ZNF81: variants seen among roughly 807,000 people sequenced by gnomAD.
ZNF81 encodes zinc finger protein 81 (HFZ20).
Under a neutral mutation model 32.3 loss-of-function variants are expected in ZNF81, and 5 were observed. The observed-to-expected ratio is 0.15, with a 90% CI of 0.08 to 0.33. ZNF81 has a LOEUF of 0.33. Ranked by LOEUF, ZNF81 falls within the 10% of genes least tolerant of loss-of-function variation. The pLI, the probability that ZNF81 is intolerant of heterozygous loss-of-function variation, is 1.00. For missense variants in ZNF81, 379 were observed against 479.8 expected, an observed-to-expected ratio of 0.79 and a Z score of 1.96; for synonymous variants, 163 against 166.8, an observed-to-expected ratio of 0.98 and a Z score of 0.17.
At chrX:47,859,778 G>A (rs2058532234) in intron 2 of ZNF81, among the ~76,000 whole-genome samples, 1 of 111,559 alleles carries the variant, frequency 9.0e-6, no homozygotes, top group Non-Finnish European at 1.9e-5. Context: ...CTTAACATTT[G>A]TGCCAGCTCC....
At position 47,888,010 on chromosome X, in the gene ZNF81, A is replaced by G; in HGVS notation, c.66A>G (p.Ser22=). 1.7e-6 allele frequency: 2 copies of G among 1,211,339 alleles called. No homozygotes were observed. Among genetic ancestry groups the G allele is most frequent in the South Asian group, 3.5e-5 (2 of 56,961 alleles). Residue 22 remains serine (S), a synonymous_variant, in exon 3 of 5, where the codon TCA becomes TCG. Coordinates refer to ENST00000338637, the MANE Select transcript of ZNF81 (RefSeq NM_007137.5). ...EHGSACEVSV[S]FEDVTVDFSR... ...TTGTGTTGTTACAGGTATCAGTGTC[A>G]TTTGAGGATGTGACTGTGGACTTCA...
At chrX:47,872,122 C>A (rs139402877) in intron 2 of ZNF81, among the ~76,000 whole-genome samples, 309 of 111,916 alleles carry the variant, frequency 2.8e-3, no homozygotes, top group South Asian at 0.019. Flanking sequence ...GCTGGAATCC[C>A]CTGCTCTATA....
chrX:47,891,067 T>G (rs2058660751), intron 3 of ZNF81, among the ~76,000 whole-genome samples: 1 of 112,459 alleles, frequency 8.9e-6, no homozygotes, highest in South Asian at 3.7e-4. Flanking sequence ...GTGATCAAGA[T>G]GCCTGCAGAC....
intron 1 of ZNF81, chrX:47,841,612 C>G (rs2058449756): frequency 9.1e-7 from 1 of 1,104,954 alleles, no homozygotes; most frequent in African/African-American, 1.8e-5. Context: ...CCTGCTTTGC[C>G]TGGGTGGCTT....
chrX:47,856,602 A>G (rs1232513295), intron 2 of ZNF81, among the ~76,000 whole-genome samples: 1 of 111,994 alleles, frequency 8.9e-6, no homozygotes, highest in Admixed American at 9.5e-5. Flanking sequence ...AACAACTGAA[A>G]AATTCCCAAA....
chrX:47,915,334 A>T lies in ZNF81; in HGVS notation c.688A>T (p.Asn230Tyr). Residue 230 changes from asparagine (N) to tyrosine (Y), a missense_variant, in exon 5 of 5, where the codon AAC (asparagine) becomes TAC (tyrosine). Transcript: ENST00000338637. ...TGGGCATGGTCAAGTTTTTACCCAG[A>T]ACTCTTCTTATAGTCACCACGAAAA... ...TIGHGQVFTQNSSYSHHENTH... is the reference protein window; with the variant it reads ...TIGHGQVFTQYSSYSHHENTH... 1 of 1,211,806 alleles carries T rather than the reference A, an allele frequency of 8.3e-7. No homozygotes were observed. The highest frequency in any genetic ancestry group is 1.1e-6 in the Non-Finnish European group (1 of 895,496).
At position 47,904,675 on chromosome X, in the gene ZNF81, A is replaced by G. The variant is rs782140944; in HGVS notation, c.277+8735A>G. 4.1e-3 allele frequency among the ~76,000 whole-genome samples: 458 copies of G among 111,756 alleles called. 3 individuals carry two copies. The highest frequency in any genetic ancestry group is 0.014 in the African/African-American group (439 of 30,653). On this transcript the variant is annotated intron_variant, in intron 4 of 4. Coordinates refer to ENST00000338637, the MANE Select transcript of ZNF81 (RefSeq NM_007137.5). ...TGCGGTGATTCCTCAGGGATCTAGA[A>G]CTAGAAATACCATTTGACCCAGCCA...
chrX:47,883,792 G>A (rs144081016), intron 2 of ZNF81, among the ~76,000 whole-genome samples: 1,464 of 111,843 alleles, frequency 0.013, 25 homozygotes, highest in African/African-American at 0.046. Flanking sequence ...TTGATACACT[G>A]TAGTAAGCAG....
At chrX:47,847,983 C>T (rs1228118832) in intron 2 of ZNF81, among the ~76,000 whole-genome samples, 3 of 108,473 alleles carry the variant, frequency 2.8e-5, no homozygotes, top group East Asian at 2.9e-4. Flanking sequence ...AGCACAATCT[C>T]GGCTCACTGC....
intron 4 of ZNF81, among the ~76,000 whole-genome samples, chrX:47,899,301 T>TA (rs55651208): frequency 3.6e-5 from 4 of 109,872 alleles, no homozygotes; most frequent in South Asian, 7.6e-4. Context: ...TTTTTTTTTT[T>TA]AAATCATGAT....
chrX:47,856,185 G>GA (rs2058516607), intron 2 of ZNF81, among the ~76,000 whole-genome samples: 1 of 110,127 alleles, frequency 9.1e-6, no homozygotes, highest in Admixed American at 9.7e-5. Flanking sequence ...TTTCTAAATG[G>GA]AAAAAATGCA....
chrX:47,868,749 C>T, intron 2 of ZNF81, among the ~76,000 whole-genome samples: 1 of 110,612 alleles, frequency 9.0e-6, no homozygotes, highest in Non-Finnish European at 1.9e-5. Flanking sequence ...TAATAAGTCT[C>T]CTTTTGCCCT....
rs188840756 is a variant in ZNF81 at position 47,923,435 on chromosome X, G to A, written c.*6803G>A. 3.6e-5 allele frequency among the ~76,000 whole-genome samples: 4 copies of A among 111,793 alleles called. No homozygotes were observed. Among genetic ancestry groups the A allele is most frequent in the Non-Finnish European group, 7.5e-5 (4 of 53,108 alleles). The stretch of plus-strand genomic sequence containing the variant: ...GATAATGAGAAGGAGCAGCCAGAGA[G>A]GTAAAAACATACCAGGTGAGCAAGG... On this transcript the variant is annotated 3_prime_UTR_variant, in exon 5 of 5. Coordinates refer to ENST00000338637, the MANE Select transcript of ZNF81 (RefSeq NM_007137.5).
At chrX:47,842,690 A>G (rs1239623567) in intron 1 of ZNF81, 2 of 111,116 alleles carry the variant, frequency 1.8e-5, no homozygotes, top group Non-Finnish European at 3.8e-5. Flanking sequence ...AGTTTGTGTG[A>G]TCTCAACTCA....
intron 4 of ZNF81, among the ~76,000 whole-genome samples, chrX:47,902,073 T>G (rs1556888086): frequency 8.9e-6 from 1 of 111,910 alleles, no homozygotes; most frequent in East Asian, 2.8e-4. Context: ...GATTTTTTAT[T>G]TCTTCTTGTT....
intron 3 of ZNF81, among the ~76,000 whole-genome samples, chrX:47,888,891 A>G (rs1174418969): frequency 8.9e-6 from 1 of 111,743 alleles, no homozygotes; most frequent in Non-Finnish European, 1.9e-5. Flanking sequence ...CTGGAAGAAA[A>G]GCGATCCTTG....
intron 4 of ZNF81, among the ~76,000 whole-genome samples, chrX:47,898,320 A>G (rs1347186918): frequency 1.8e-5 from 2 of 111,167 alleles, no homozygotes; most frequent in Admixed American, 9.6e-5. Flanking sequence ...CTCAAGGTCA[A>G]GTTATTTCCT....
Position 47,916,437 on chromosome X carries a change from C to T in ZNF81, c.1791C>T (p.Leu597=), listed in dbSNP as rs368777909. ...AATCCTTCTCCAAGAAACCACATCTCAAAGTACATCAACGAATTCACACAG... is the reference window on the plus strand; with the variant it reads ...AATCCTTCTCCAAGAAACCACATCTTAAAGTACATCAACGAATTCACACAG... The part of the protein sequence containing the change: ...CEKSFSKKPH[L]KVHQRIHTGE... Residue 597 remains leucine, a synonymous_variant, in exon 5 of 5, where the codon CTC becomes CTT. Coordinates refer to ENST00000338637, the MANE Select transcript of ZNF81 (RefSeq NM_007137.5). 1 of 1,209,630 alleles carries T rather than the reference C, an allele frequency of 8.3e-7. No homozygotes were observed. The highest frequency in any genetic ancestry group is 1.1e-6 in the Non-Finnish European group (1 of 895,111).
intron 2 of ZNF81, among the ~76,000 whole-genome samples, chrX:47,857,505 C>T (rs990291592): frequency 5.4e-5 from 6 of 111,924 alleles, no homozygotes; most frequent in Admixed American, 1.9e-4. Context: ...TACAGGTGGA[C>T]GGAAAATTAT....
Sources: gnomAD v4.1 joint callset for allele counts (sites outside exome capture counted in the v4.1 genomes callset) on GRCh38, gnomAD v4.1.1 for gene constraint, MANE v1.5 for transcripts, NCBI Gene and HGNC (gene_info 2026-07-23, HGNC 2026-07-21) for gene names.